BGN: variants seen among roughly 807,000 people sequenced by gnomAD.
BGN encodes biglycan, also known as bone/cartilage proteoglycan-I.
In BGN, 6 loss-of-function variants were observed where a neutral mutation model predicts 20.0. The ratio of observed to expected loss-of-function variants is 0.30; its 90% CI spans 0.16 to 0.59. The LOEUF (loss-of-function observed/expected upper bound fraction) is 0.59, where lower values mean the gene tolerates loss of function less well. BGN is among the 20% of genes least tolerant of loss of function. BGN has a pLI of 0.88. For synonymous variants in BGN, 146 were observed against 134.6 expected (o/e 1.08, Z -0.59); for missense variants, 292 against 312.1 (o/e 0.94, Z 0.49).
chrX:153,495,544 C>T (rs1354278423), intron 1 of BGN: 1 of 112,402 alleles, frequency 8.9e-6, no homozygotes, highest in Non-Finnish European at 1.9e-5. Context: ...TCGCTCTGCC[C>T]AGGCGCCTCC....
intron 1 of BGN, among the ~76,000 whole-genome samples, chrX:153,503,164 C>T (rs2089773027): frequency 8.9e-6 from 1 of 112,864 alleles, no homozygotes; most frequent in Non-Finnish European, 1.9e-5. Context: ...GGCAGCCAGC[C>T]CAGCCCCCAG....
chrX:153,500,306 C>A (rs2089747866), intron 1 of BGN, among the ~76,000 whole-genome samples: 1 of 112,761 alleles, frequency 8.9e-6, no homozygotes, highest in African/African-American at 3.2e-5. Context: ...AAACCTGGGG[C>A]TTATGCCATT....
chrX:153,504,815 A>T lies in BGN; in HGVS notation c.184A>T (p.Met62Leu), dbSNP rs781911357. 4.1e-6 allele frequency: 5 copies of T among 1,209,515 alleles called. No individual in the cohort carries two copies. In the African/African-American group the frequency reaches 8.7e-5, roughly 21 times the overall value. ...CTCTGTCACACCCACCTACAGCGCCATGTGTCCTTTCGGCTGCCACTGCCA... is the reference window on the plus strand; with the variant it reads ...CTCTGTCACACCCACCTACAGCGCCTTGTGTCCTTTCGGCTGCCACTGCCA... Reference protein sequence around the residue: ...PDSVTPTYSAMCPFGCHCHLR... With the variant: ...PDSVTPTYSALCPFGCHCHLR... The change falls in exon 2 of 8, where the codon ATG (methionine) becomes TTG (leucine). Residue 62 changes from methionine (M) to leucine (L), a missense_variant. Met to Leu is a conservative substitution (Grantham distance 15, BLOSUM62 2). Transcript: ENST00000331595.
At chrX:153,503,887 G>A (rs1224118555) in intron 1 of BGN, among the ~76,000 whole-genome samples, 8 of 111,414 alleles carry the variant, frequency 7.2e-5, no homozygotes, top group East Asian at 5.7e-4. Context: ...GGGCTGGGGC[G>A]GGTGGTCCAG....
intron 1 of BGN, among the ~76,000 whole-genome samples, chrX:153,503,939 G>A (rs996928645): frequency 3.6e-5 from 4 of 112,153 alleles, no homozygotes; most frequent in Non-Finnish European, 7.5e-5. Context: ...GGGGCGCCAC[G>A]GCCTCCACCT....
chrX:153,506,393 T>C (rs782480408), intron 4 of BGN, 136 bp from the exon 5 acceptor site: 1 of 584,338 alleles, frequency 1.7e-6, no homozygotes, highest in Non-Finnish European at 2.7e-6. Context: ...ATTAGCCCGG[T>C]AAATTAGCAG....
chrX:153,502,985 G>A (rs2089771392), intron 1 of BGN, among the ~76,000 whole-genome samples: 1 of 112,552 alleles, frequency 8.9e-6, no homozygotes, highest in African/African-American at 3.2e-5. Flanking sequence ...ATGCAGGGGG[G>A]ACGCGTGCCA....
chrX:153,499,317 A>G, intron 1 of BGN, among the ~76,000 whole-genome samples: 1 of 111,691 alleles, frequency 9.0e-6, no homozygotes, highest in Non-Finnish European at 1.9e-5. Context: ...GAGGACCAGG[A>G]GCGCACAGTG....
intron 1 of BGN, among the ~76,000 whole-genome samples, chrX:153,502,342 C>T (rs1556992044): frequency 8.9e-6 from 1 of 112,120 alleles, no homozygotes; most frequent in African/African-American, 3.2e-5. Context: ...TGGGAGGTAG[C>T]GGCTTTGGCA....
chrX:153,504,865 C>A lies in BGN; in HGVS notation c.234C>A (p.Asp78Glu), dbSNP rs1350388500. Reference sequence around the variant, plus strand: ...ACCTGCGGGTGGTTCAGTGCTCCGACCTGGGTTTGTCCCTGAGTGATGGGG... The same window carrying A: ...ACCTGCGGGTGGTTCAGTGCTCCGAACTGGGTTTGTCCCTGAGTGATGGGG... ...HCHLRVVQCS[D>E]LGLKSVPKEI... The change falls in exon 2 of 8, where the codon GAC becomes GAA. Residue 78 changes from aspartate (D) to glutamate (E), a missense_variant. Transcript: ENST00000331595. The A allele has an allele frequency of 7.5e-6, 9 of 1,201,661 alleles. No individual in the cohort carries two copies. The highest frequency in any genetic ancestry group is 1.0e-5 in the Non-Finnish European group (9 of 891,494).
intron 7 of BGN, among the ~76,000 whole-genome samples, chrX:153,507,848 C>T (rs1388751270): frequency 8.8e-6 from 1 of 113,431 alleles, no homozygotes; most frequent in Non-Finnish European, 1.9e-5. Context: ...TGCTAGAGGG[C>T]GAGCTCCTCT....
intron 5 of BGN, 66 bp downstream of exon 5, chrX:153,506,705 G>A: frequency 8.6e-7 from 1 of 1,159,185 alleles, no homozygotes; most frequent in Non-Finnish European, 1.2e-6. Context: ...GGCCAGGGTG[G>A]GGGCTCTGGA....
At chrX:153,500,983 T>C (rs1412121332) in intron 1 of BGN, among the ~76,000 whole-genome samples, 2 of 112,376 alleles carry the variant, frequency 1.8e-5, no homozygotes, top group East Asian at 5.6e-4. Context: ...TCTAGGTGTG[T>C]GCATGTATAT....
At chrX:153,500,267 C>T (rs1272599973) in intron 1 of BGN, among the ~76,000 whole-genome samples, 1 of 113,015 alleles carries the variant, frequency 8.8e-6, no homozygotes, top group African/African-American at 3.2e-5. Context: ...GAAGCCCAGC[C>T]TCCTCCCTCA....
intron 7 of BGN, among the ~76,000 whole-genome samples, chrX:153,507,845 G>A (rs2089814531): frequency 8.8e-6 from 1 of 113,509 alleles, no homozygotes; most frequent in African/African-American, 3.2e-5. Flanking sequence ...GGCTGCTAGA[G>A]GGCGAGCTCC....
rs1243270179 is a variant in BGN at position 153,503,907 on chromosome X, C to T, written c.-11-714C>T. On this transcript the variant is annotated intron_variant, in intron 1 of 7. Transcript: ENST00000331595. ...GGGGCGGGTGGTCCAGAGGAGGAAG[C>T]CAAGGCCCAGGGGCAGTGTTGGGGG... Among the ~76,000 whole-genome samples, 3 of 111,928 alleles carry T rather than the reference C, an allele frequency of 2.7e-5. No homozygotes were observed. The East Asian group carries it at 8.5e-4, about 32-fold the overall frequency.
At chrX:153,499,300 G>C (rs1556991360) in intron 1 of BGN, among the ~76,000 whole-genome samples, 1 of 111,837 alleles carries the variant, frequency 8.9e-6, no homozygotes, top group Non-Finnish European at 1.9e-5. Flanking sequence ...GCAGTAGTCC[G>C]TGTGCAGAGG....
chrX:153,508,835 C>T lies in BGN; in HGVS notation c.*390C>T. The T allele has an allele frequency of 4.4e-6, 1 of 225,415 alleles. No individual in the cohort carries two copies. Among genetic ancestry groups the T allele is most frequent in the South Asian group, 7.4e-5 (1 of 13,576 alleles). 18.6% of individuals were successfully genotyped at this position (225,415 alleles called of 1,213,427 possible). A position where few individuals can be genotyped will look rare whatever the true frequency, so the allele number is the denominator to read the frequency against. On this transcript the variant is annotated 3_prime_UTR_variant, in exon 8 of 8. Transcript: ENST00000331595. ...TCCATAAGAATGGGGACAGTGGGCT[C>T]TGCCAGGGCTGCCGCACCTGTCCAG...
rs371932706 is a variant in BGN, at chrX:153,504,775, C to T, written c.144C>T (p.Gly48=). 6 of 1,210,078 alleles carry T rather than the reference C, an allele frequency of 5.0e-6. No homozygotes were observed. Among genetic ancestry groups the T allele is most frequent in the African/African-American group, 3.5e-5 (2 of 57,301 alleles). The part of the protein sequence containing the change: ...DEEASGADTS[G]VLDPDSVTPT... Reference sequence around the variant, plus strand: ...AAGCTTCGGGCGCTGACACCTCGGGCGTCCTGGACCCGGACTCTGTCACAC... The same window carrying T: ...AAGCTTCGGGCGCTGACACCTCGGGTGTCCTGGACCCGGACTCTGTCACAC... Residue 48 remains glycine, a synonymous_variant, in exon 2 of 8, where the codon GGC becomes GGT. Coordinates refer to ENST00000331595, the MANE Select transcript of BGN (RefSeq NM_001711.6).
Sources: allele counts gnomAD v4.1 joint callset (sites outside exome capture counted in the v4.1 genomes callset), GRCh38; gene constraint gnomAD v4.1.1; transcripts MANE v1.5; gene names NCBI Gene and HGNC (gene_info 2026-07-23, HGNC 2026-07-21).